CCDC178: variants seen among roughly 807,000 people sequenced by gnomAD.
CCDC178 encodes the protein coiled-coil domain containing 178.
Under a neutral mutation model 117.4 loss-of-function variants are expected in CCDC178, and 126 were observed. The ratio of observed to expected loss-of-function variants is 1.07; its 90% CI spans 0.93 to 1.24. The LOEUF (loss-of-function observed/expected upper bound fraction) is 1.24, where lower values mean the gene tolerates loss of function less well. Among genes scored for constraint, CCDC178 ranks in the 50% most tolerant of loss-of-function variants. The probability of loss-of-function intolerance (pLI) is 0.00; values close to 1 mark genes in which losing one functional copy is unlikely to be tolerated. For missense variants in CCDC178, 1,030 were observed against 986.9 expected (o/e 1.04, Z -0.59); for synonymous variants, 283 against 313.4 (o/e 0.90, Z 1.02).
intron 11 of CCDC178, among the ~76,000 whole-genome samples, chr18:33,299,006 C>T (rs910486409): frequency 5.3e-5 from 8 of 152,144 alleles, no homozygotes; most frequent in South Asian, 2.1e-4. Context: ...TCCTAGCTCA[C>T]GGATTGAAAG....
intron 2 of CCDC178, among the ~76,000 whole-genome samples, chr18:33,431,061 C>T (rs1327122816): frequency 3.8e-5 from 5 of 132,656 alleles, no homozygotes; most frequent in Admixed American, 1.7e-4. Context: ...GGCAACCGTG[C>T]GAGACTACGT....
chr18:33,236,804 C>T (rs1325687614), intron 15 of CCDC178, among the ~76,000 whole-genome samples: 1 of 152,134 alleles, frequency 6.6e-6, no homozygotes, highest in Non-Finnish European at 1.5e-5. Flanking sequence ...AGGCACCTGG[C>T]CTCTGCAGCC....
At chr18:33,360,369 A>C (rs1395663666) in intron 6 of CCDC178, among the ~76,000 whole-genome samples, 1 of 151,406 alleles carries the variant, frequency 6.6e-6, no homozygotes, top group African/African-American at 2.4e-5. Context: ...CAACAGATGG[A>C]CAGATACCAA....
intron 15 of CCDC178, among the ~76,000 whole-genome samples, chr18:33,233,127 G>A (rs978591862): frequency 2.6e-5 from 4 of 152,042 alleles, no homozygotes; most frequent in African/African-American, 4.8e-5. Context: ...TGGCTGTTAC[G>A]TTAACTGTTA....
At chr18:32,991,251 T>C (rs965304549) in intron 21 of CCDC178, among the ~76,000 whole-genome samples, 1 of 152,170 alleles carries the variant, frequency 6.6e-6, no homozygotes, top group Non-Finnish European at 1.5e-5. Flanking sequence ...ATCATTGCAC[T>C]TGATAAATGT....
rs566989015 is a variant in CCDC178, at chr18:33,418,076, A to T, written c.-22-5966T>A. Among the ~76,000 whole-genome samples the T allele has an allele frequency of 5.9e-5, 9 of 152,314 alleles. No individual in the cohort carries two copies. In the East Asian group the frequency reaches 1.7e-3, roughly 29 times the overall value. Reference sequence around the variant, plus strand: ...TTTCAGGCCACTCTCCTTGATGAACATAGATGCAAAAATTCTCAACGAAAT... The same window carrying T: ...TTTCAGGCCACTCTCCTTGATGAACTTAGATGCAAAAATTCTCAACGAAAT... On this transcript the variant is annotated intron_variant, in intron 2 of 22. Coordinates refer to ENST00000383096, the MANE Select transcript of CCDC178 (RefSeq NM_001105528.4).
chr18:33,217,458 T>C (rs1267551191), intron 18 of CCDC178, among the ~76,000 whole-genome samples: 1 of 152,000 alleles, frequency 6.6e-6, no homozygotes, highest in East Asian at 1.9e-4. Flanking sequence ...TATACCCCTT[T>C]TAATCACTCC....
chr18:33,308,824 C>T (rs1408586751), intron 11 of CCDC178, among the ~76,000 whole-genome samples: 1 of 152,122 alleles, frequency 6.6e-6, no homozygotes, highest in Non-Finnish European at 1.5e-5. Context: ...TTCCTGCCAC[C>T]ATGTGAAGAA....
At chr18:33,029,333 T>C (rs2056289491) in intron 21 of CCDC178, among the ~76,000 whole-genome samples, 1 of 151,880 alleles carries the variant, frequency 6.6e-6, no homozygotes, top group South Asian at 2.1e-4. Flanking sequence ...ACATTCCTTT[T>C]CATTTTTCTA....
intron 20 of CCDC178, among the ~76,000 whole-genome samples, chr18:33,140,763 C>T (rs2058193486): frequency 6.6e-6 from 1 of 152,216 alleles, no homozygotes; most frequent in South Asian, 2.1e-4. Flanking sequence ...GAATTTGGGG[C>T]ACTGTTGGGA....
chr18:33,155,379 T>G (rs944596692), intron 20 of CCDC178, among the ~76,000 whole-genome samples: 4 of 152,164 alleles, frequency 2.6e-5, no homozygotes, highest in African/African-American at 4.8e-5. Flanking sequence ...GATAATACCT[T>G]ATAACATATT....
chr18:33,253,899 T>C (rs547412534), intron 14 of CCDC178, among the ~76,000 whole-genome samples: 1 of 152,020 alleles, frequency 6.6e-6, no homozygotes, highest in African/African-American at 2.4e-5. Flanking sequence ...ATCAAAGTTG[T>C]AATCAAGATT....
At chr18:33,289,070 G>T (rs952548099) in intron 12 of CCDC178, among the ~76,000 whole-genome samples, 1 of 151,978 alleles carries the variant, frequency 6.6e-6, no homozygotes, top group Non-Finnish European at 1.5e-5. Flanking sequence ...CAGTGTTTTT[G>T]GTTTAGTGGG....
chr18:33,032,965 T>C (rs2056373899), intron 21 of CCDC178, among the ~76,000 whole-genome samples: 1 of 152,072 alleles, frequency 6.6e-6, no homozygotes, highest in Admixed American at 6.6e-5. Flanking sequence ...CTTCCTATCA[T>C]TTATTTTAAA....
At chr18:33,282,333 C>T (rs1012122753) in intron 12 of CCDC178, among the ~76,000 whole-genome samples, 7 of 152,118 alleles carry the variant, frequency 4.6e-5, no homozygotes, top group African/African-American at 1.7e-4. Flanking sequence ...ATCTGTAGTG[C>T]AGCACAGCTA....
chr18:33,333,077 A>G (rs1369129234), intron 10 of CCDC178, 97 bp downstream of exon 10: 1 of 661,514 alleles, frequency 1.5e-6, no homozygotes, highest in Non-Finnish European at 2.5e-6. Context: ...AAGAAAAAAA[A>G]AAAAAACCTT....
intron 19 of CCDC178, among the ~76,000 whole-genome samples, chr18:33,214,848 TTGCTAA>T (rs1298491536): frequency 1.3e-5 from 2 of 152,034 alleles, no homozygotes; most frequent in Admixed American, 1.3e-4. Context: ...CATTATGATT[TTGCTAA>T]TGCTTGTAGT....
chr18:32,955,023 G>A (rs1053373947), intron 22 of CCDC178, among the ~76,000 whole-genome samples: 2 of 151,960 alleles, frequency 1.3e-5, no homozygotes, highest in Non-Finnish European at 2.9e-5. Flanking sequence ...TGTCCAAATT[G>A]AGTTCCTGCA....
At chr18:33,358,778 C>T (rs1599216518) in intron 6 of CCDC178, among the ~76,000 whole-genome samples, 1 of 151,702 alleles carries the variant, frequency 6.6e-6, no homozygotes, top group East Asian at 1.9e-4. Flanking sequence ...AATTTAATTA[C>T]ATTAAAATTA....
Sources: gnomAD v4.1 joint callset for allele counts (sites outside exome capture counted in the v4.1 genomes callset) on GRCh38, gnomAD v4.1.1 for gene constraint, MANE v1.5 for transcripts, NCBI Gene and HGNC (gene_info 2026-07-23, HGNC 2026-07-21) for gene names.